Variants in PCNX2 observed in about 807,000 individuals in gnomAD.
PCNX2 encodes the protein pecanex 2.
Under a neutral mutation model 223.8 loss-of-function variants are expected in PCNX2, and 168 were observed. That is an observed-to-expected ratio of 0.75 (90% CI 0.66 to 0.85). PCNX2 has a LOEUF of 0.85. Ranked by LOEUF, PCNX2 falls within the 40% of genes least tolerant of loss-of-function variation. The probability of loss-of-function intolerance (pLI) is 0.00; values close to 1 mark genes in which losing one functional copy is unlikely to be tolerated. For missense variants in PCNX2, 2,507 were observed against 2,675.5 expected, an observed-to-expected ratio of 0.94 and a Z score of 1.39; for synonymous variants, 1,006 against 1,052.6, an observed-to-expected ratio of 0.96 and a Z score of 0.86.
chr1:233,159,828 A>C (rs1415464902), intron 19 of PCNX2, among the ~76,000 whole-genome samples: 2 of 152,182 alleles, frequency 1.3e-5, no homozygotes, highest in Admixed American at 1.3e-4. Flanking sequence ...AAGCTAAAGA[A>C]AATGCAAGTG....
intron 32 of PCNX2, among the ~76,000 whole-genome samples, chr1:232,997,316 G>C (rs1291118231): frequency 6.6e-6 from 1 of 151,974 alleles, no homozygotes; most frequent in African/African-American, 2.4e-5. Flanking sequence ...CTCATATCTT[G>C]CTCATGTTTG....
intron 1 of PCNX2, among the ~76,000 whole-genome samples, chr1:233,280,246 T>C (rs2103018675): frequency 6.6e-6 from 1 of 152,004 alleles, no homozygotes; most frequent in East Asian, 1.9e-4. Context: ...TGAACGTACA[T>C]CCCTTTGAAT....
At chr1:233,186,608 T>C (rs1680113439) in intron 15 of PCNX2, among the ~76,000 whole-genome samples, 1 of 152,234 alleles carries the variant, frequency 6.6e-6, no homozygotes, top group Non-Finnish European at 1.5e-5. Context: ...TGCCTCACAC[T>C]GACCCTAAAT....
At chr1:233,250,867 C>A (rs375167378) in intron 7 of PCNX2, 35 bp from the exon 8 acceptor site, 4 of 1,530,090 alleles carry the variant, frequency 2.6e-6, no homozygotes, top group South Asian at 1.2e-5. Flanking sequence ...AAGAATATGA[C>A]ATAATTATTC....
intron 21 of PCNX2, among the ~76,000 whole-genome samples, chr1:233,130,997 T>C (rs1460600555): frequency 1.3e-5 from 2 of 152,172 alleles, no homozygotes; most frequent in African/African-American, 4.8e-5. Flanking sequence ...TCTCCTCTGT[T>C]TCTACCCATA....
intron 23 of PCNX2, chr1:233,058,665 C>CTTTTTTTTTTTTTTTTT (rs771648037): frequency 8.3e-5 from 10 of 119,804 alleles, no homozygotes; most frequent in Admixed American, 1.7e-4. Context: ...CTTTTCTTTT[C>CTTTTTTTTTTTTTTTTT]TTTTTTTTTT....
At chr1:233,010,467 T>G (rs1670427863) in intron 28 of PCNX2, among the ~76,000 whole-genome samples, 1 of 152,230 alleles carries the variant, frequency 6.6e-6, no homozygotes. Context: ...AACCTGTTGC[T>G]TCTATAAAAT....
intron 23 of PCNX2, among the ~76,000 whole-genome samples, chr1:233,066,425 C>T (rs1672613035): frequency 2.0e-5 from 3 of 152,330 alleles, no homozygotes; most frequent in South Asian, 4.1e-4. Flanking sequence ...GCTGGCATCT[C>T]TGAGTTTTTA....
chr1:233,148,410 A>T (rs928347631), intron 19 of PCNX2, among the ~76,000 whole-genome samples: 3 of 151,734 alleles, frequency 2.0e-5, no homozygotes, highest in African/African-American at 7.3e-5. Flanking sequence ...ACAGGATATT[A>T]ATTTCACTTT....
chr1:233,286,780 G>GT (rs1321887831), intron 1 of PCNX2, among the ~76,000 whole-genome samples: 2 of 152,040 alleles, frequency 1.3e-5, no homozygotes, highest in African/African-American at 2.4e-5. Flanking sequence ...CCTTACCACC[G>GT]TGACAGTCAA....
In PCNX2 at chr1:232,983,887, C is replaced by T. The variant is rs896082158; in HGVS notation, c.*417G>A. The T allele has an allele frequency of 6.8e-4, 106 of 156,890 alleles. 1 individual carries two copies. The highest frequency in any genetic ancestry group is 7.4e-4 in the East Asian group (4 of 5,410). 9.7% of individuals were successfully genotyped at this position (156,890 alleles called of 1,614,324 possible). On this transcript the variant is annotated 3_prime_UTR_variant, in exon 34 of 34. Coordinates refer to ENST00000258229, the MANE Select transcript of PCNX2 (RefSeq NM_014801.4). ...TATAAAGTGCCGATGATGTAACATG[C>T]AGTTGTCTTATTTTCATCAGGGCAT...
intron 23 of PCNX2, chr1:233,058,628 C>T (rs904044644): frequency 6.6e-6 from 1 of 152,200 alleles, no homozygotes; most frequent in African/African-American, 2.4e-5. Flanking sequence ...TGGTCTTGAA[C>T]ACATCTGGCT....
intron 25 of PCNX2, 99 bp downstream of exon 25, chr1:233,054,167 TAA>T: frequency 9.6e-7 from 1 of 1,042,652 alleles, no homozygotes; most frequent in South Asian, 1.6e-5. Flanking sequence ...AGGAAGACAT[TAA>T]GTTTTTCCTG....
At chr1:233,007,088 T>C (rs546950528) in intron 28 of PCNX2, among the ~76,000 whole-genome samples, 94 of 152,024 alleles carry the variant, frequency 6.2e-4, no homozygotes, top group African/African-American at 2.1e-3. Context: ...TCCAAAGGCA[T>C]GTACAGTCGC....
intron 1 of PCNX2, among the ~76,000 whole-genome samples, chr1:233,271,049 T>C (rs914869915): frequency 1.3e-5 from 2 of 152,200 alleles, no homozygotes. Context: ...ATGTTGTCGT[T>C]TTCATTTTAA....
intron 21 of PCNX2, among the ~76,000 whole-genome samples, chr1:233,128,468 G>A (rs537121589): frequency 6.6e-6 from 1 of 152,212 alleles, no homozygotes; most frequent in African/African-American, 2.4e-5. Flanking sequence ...CGGAGTAGCT[G>A]GGATTACAGG....
intron 26 of PCNX2, among the ~76,000 whole-genome samples, chr1:233,020,236 A>C (rs748594931): frequency 1.8e-4 from 27 of 152,320 alleles, no homozygotes; most frequent in Non-Finnish European, 3.1e-4. Flanking sequence ...CAGTTTTCTA[A>C]ATCACAGCAC....
At chr1:233,303,629 C>A in the PCNX2 span, among the ~76,000 whole-genome samples, 2 of 142,986 alleles carry the variant, frequency 1.4e-5, no homozygotes, top group East Asian at 2.1e-4. Context: ...TATAATCATG[C>A]AGAATATCTC....
At chr1:233,022,326 T>A (rs1670919199) in intron 26 of PCNX2, among the ~76,000 whole-genome samples, 1 of 152,164 alleles carries the variant, frequency 6.6e-6, no homozygotes, top group Non-Finnish European at 1.5e-5. Context: ...CAAGCAGAGC[T>A]CTGAGGACCC....
Sources: gnomAD v4.1 joint callset for allele counts (sites outside exome capture counted in the v4.1 genomes callset) on GRCh38, gnomAD v4.1.1 for gene constraint, MANE v1.5 for transcripts, NCBI Gene and HGNC (gene_info 2026-07-23, HGNC 2026-07-21) for gene names.